The following IMMP2L variants were observed in gnomAD, a reference collection of about 807,000 sequenced individuals.
IMMP2L encodes the protein mitochondrial inner membrane protease subunit 2.
A neutral mutation model predicts 19.3 loss-of-function variants in IMMP2L; 18 were observed. The observed-to-expected ratio is 0.93, with a 90% CI of 0.64 to 1.38. The LOEUF (loss-of-function observed/expected upper bound fraction) is 1.38. Among genes scored for constraint, IMMP2L ranks in the 40% most tolerant of loss-of-function variants. IMMP2L has a pLI of 0.00. For missense variants in IMMP2L, 233 were observed against 218.2 expected, an observed-to-expected ratio of 1.07 and a Z score of -0.43; for synonymous variants, 76 against 73.0, an observed-to-expected ratio of 1.04 and a Z score of -0.21.
intron 3 of IMMP2L, among the ~76,000 whole-genome samples, chr7:111,374,873 A>T (rs1830546902): frequency 6.6e-6 from 1 of 152,178 alleles, no homozygotes; most frequent in South Asian, 2.1e-4. Flanking sequence ...ACATTAAATC[A>T]GGGAAAAAAC....
rs900579450 is a variant in IMMP2L at position 110,756,816 on chromosome 7, T to C, written c.409-93095A>G. 1.2e-4 allele frequency among the ~76,000 whole-genome samples: 19 copies of C among 152,204 alleles called. No homozygotes were observed. The Middle Eastern group carries it at 0.014, about 109-fold the overall frequency. On this transcript the variant is annotated intron_variant, in intron 5 of 5. Transcript: ENST00000405709. ...AATTATCCTTTCCAATGAAAGATAC[T>C]GGCTTGCACTTAGCTTTCAGTTATG...
intron 3 of IMMP2L, among the ~76,000 whole-genome samples, chr7:111,030,805 C>A (rs1407530381): frequency 1.4e-5 from 2 of 146,078 alleles, no homozygotes; most frequent in Non-Finnish European, 3.0e-5. Context: ...TATGTGTGTA[C>A]ATACATATGT....
At chr7:110,669,101 A>ATG (rs1791703875) in intron 5 of IMMP2L, among the ~76,000 whole-genome samples, 1 of 144,566 alleles carries the variant, frequency 6.9e-6, no homozygotes, top group African/African-American at 2.8e-5. Context: ...ATATGTATAT[A>ATG]TATATATAGA....
At chr7:110,767,044 T>C (rs1798711671) in intron 5 of IMMP2L, among the ~76,000 whole-genome samples, 1 of 152,194 alleles carries the variant, frequency 6.6e-6, no homozygotes, top group Non-Finnish European at 1.5e-5. Context: ...CGTGGAAGCA[T>C]TAACTTCAGA....
At chr7:111,425,312 G>GT (rs1304147153) in intron 3 of IMMP2L, among the ~76,000 whole-genome samples, 1 of 144,838 alleles carries the variant, frequency 6.9e-6, no homozygotes, top group Non-Finnish European at 1.6e-5. Context: ...TTAATGTTCT[G>GT]TATCTTGATA....
chr7:111,061,667 A>G (rs1489074830), intron 3 of IMMP2L, among the ~76,000 whole-genome samples: 2 of 152,172 alleles, frequency 1.3e-5, no homozygotes, highest in East Asian at 3.9e-4. Context: ...CGACTGCTTT[A>G]GCAAACTTCT....
intron 5 of IMMP2L, among the ~76,000 whole-genome samples, chr7:110,794,173 T>G (rs2131168112): frequency 6.6e-6 from 1 of 152,256 alleles, no homozygotes; most frequent in Non-Finnish European, 1.5e-5. Flanking sequence ...AACTGAAAAC[T>G]TATGTCCACA....
intron 3 of IMMP2L, among the ~76,000 whole-genome samples, chr7:111,222,010 C>T (rs1288300911): frequency 6.6e-6 from 1 of 151,860 alleles, no homozygotes; most frequent in African/African-American, 2.4e-5. Context: ...AAAAGTAAAT[C>T]CCTACCCAAG....
intron 1 of IMMP2L, among the ~76,000 whole-genome samples, chr7:111,536,884 T>A (rs761859138): frequency 9.2e-5 from 14 of 152,132 alleles, no homozygotes; most frequent in Non-Finnish European, 1.8e-4. Flanking sequence ...TTATTAATTA[T>A]CATTAGTAGT....
At chr7:110,743,291 T>G (rs547550645) in intron 5 of IMMP2L, among the ~76,000 whole-genome samples, 3 of 152,282 alleles carry the variant, frequency 2.0e-5, no homozygotes, top group African/African-American at 7.2e-5. Flanking sequence ...CTAAATTATA[T>G]TTTAGATAGT....
chr7:111,322,388 C>T (rs145151010), intron 3 of IMMP2L, among the ~76,000 whole-genome samples: 46 of 151,880 alleles, frequency 3.0e-4, no homozygotes, highest in African/African-American at 1.0e-3. Flanking sequence ...CTGAATTTAA[C>T]ACAAGCATAA....
chr7:110,916,238 A>G (rs78542374), intron 4 of IMMP2L, among the ~76,000 whole-genome samples: 9 of 152,344 alleles, frequency 5.9e-5, no homozygotes, highest in East Asian at 5.8e-4. Flanking sequence ...TTGACAACAT[A>G]AAGTGTTTCT....
At chr7:111,036,334 A>G (rs1235194558) in intron 3 of IMMP2L, among the ~76,000 whole-genome samples, 2 of 152,150 alleles carry the variant, frequency 1.3e-5, no homozygotes, top group African/African-American at 2.4e-5. Context: ...AGAAAGCCCC[A>G]GGTAAGTCAT....
At chr7:111,027,124 A>G (rs1400582146) in intron 3 of IMMP2L, among the ~76,000 whole-genome samples, 1 of 152,084 alleles carries the variant, frequency 6.6e-6, no homozygotes, top group Non-Finnish European at 1.5e-5. Flanking sequence ...TTATTGATCT[A>G]TTGCTTATAA....
intron 1 of IMMP2L, among the ~76,000 whole-genome samples, chr7:111,547,568 T>C (rs1849052267): frequency 6.7e-6 from 1 of 150,144 alleles, no homozygotes; most frequent in Non-Finnish European, 1.5e-5. Flanking sequence ...TTTATTTAGG[T>C]TGGGGGAGAC....
chr7:111,265,888 C>T (rs1817777878), intron 3 of IMMP2L, among the ~76,000 whole-genome samples: 1 of 152,046 alleles, frequency 6.6e-6, no homozygotes, highest in African/African-American at 2.4e-5. Context: ...TTTTTGTAGG[C>T]ATTACAGGAT....
intron 2 of IMMP2L, among the ~76,000 whole-genome samples, chr7:111,517,447 C>CAAAAAA: frequency 7.1e-6 from 1 of 140,488 alleles, no homozygotes; most frequent in Admixed American, 7.1e-5. Context: ...GTATCAATTG[C>CAAAAAA]AAAAAAAAAA....
Position 111,546,585 on chromosome 7 carries a change from T to A in IMMP2L, c.-3+15266A>T, listed in dbSNP as rs76131578. Among the ~76,000 whole-genome samples the A allele has an allele frequency of 2.7e-3, 407 of 152,280 alleles. 6 individuals carry two copies. The highest frequency in any genetic ancestry group is 9.2e-3 in the African/African-American group (384 of 41,560). On this transcript the variant is annotated intron_variant, in intron 1 of 5. Transcript: ENST00000405709. ...GTTTTTCTTTGCTTTTTGATATACTTTGTTTTCTTAATTCTCAAATTTAGG... is the reference window on the plus strand; with the variant it reads ...GTTTTTCTTTGCTTTTTGATATACTATGTTTTCTTAATTCTCAAATTTAGG...
At chr7:111,188,326 T>C (rs760113311) in intron 3 of IMMP2L, among the ~76,000 whole-genome samples, 17 of 152,288 alleles carry the variant, frequency 1.1e-4, no homozygotes, top group South Asian at 2.1e-4. Context: ...CTCACAGTTT[T>C]GGAAGGCTGA....
Sources: gnomAD v4.1 joint callset for allele counts (sites outside exome capture counted in the v4.1 genomes callset) on GRCh38, gnomAD v4.1.1 for gene constraint, MANE v1.5 for transcripts, NCBI Gene and HGNC (gene_info 2026-07-23, HGNC 2026-07-21) for gene names.